The following PTPRM variants were observed in gnomAD, a reference collection of about 807,000 sequenced individuals.
PTPRM encodes the protein protein tyrosine phosphatase receptor type M.
PTPRM carries 47 observed loss-of-function variants against 186.7 expected under a neutral mutation model. That is an observed-to-expected ratio of 0.25 (90% CI 0.20 to 0.32). The LOEUF is 0.32. PTPRM is among the 10% of genes least tolerant of loss of function. PTPRM has a pLI of 1.00. For synonymous variants in PTPRM, 668 were observed against 674.9 expected (o/e 0.99, Z 0.16); for missense variants, 1,494 against 1,865.0 (o/e 0.80, Z 3.66).
chr18:7,930,338 A>G (rs757175046), intron 5 of PTPRM, among the ~76,000 whole-genome samples: 8 of 152,098 alleles, frequency 5.3e-5, no homozygotes, highest in Non-Finnish European at 1.2e-4. Flanking sequence ...CCAAAGTGCT[A>G]GGATTACAGA....
chr18:8,143,793 T>A lies in PTPRM; in HGVS notation c.2300+14T>A. The A allele has an allele frequency of 6.2e-7, 1 of 1,613,662 alleles. No homozygotes were observed. Among genetic ancestry groups the A allele is most frequent in the Non-Finnish European group, 8.5e-7 (1 of 1,179,552 alleles). On this transcript the variant is annotated intron_variant, in intron 14 of 32. Coordinates refer to ENST00000580170, the MANE Select transcript of PTPRM (RefSeq NM_001105244.2). ...AATGAAGAAAAGGTGAGCTCCTAGC[T>A]GTTGCCAAAGATACAGTTATATCCC...
At chr18:8,063,480 A>T (rs576156361) in intron 7 of PTPRM, among the ~76,000 whole-genome samples, 1 of 152,246 alleles carries the variant, frequency 6.6e-6, no homozygotes, top group African/African-American at 2.4e-5. Flanking sequence ...TGACACTTCT[A>T]ACCTTATTTT....
At chr18:7,779,065 C>T (rs1053355155) in intron 2 of PTPRM, among the ~76,000 whole-genome samples, 11 of 152,050 alleles carry the variant, frequency 7.2e-5, no homozygotes, top group African/African-American at 2.4e-4. Context: ...AAATGTAACC[C>T]TGTCTTATAA....
chr18:7,972,813 C>A (rs1276027922), intron 7 of PTPRM, among the ~76,000 whole-genome samples: 3 of 152,042 alleles, frequency 2.0e-5, no homozygotes, highest in South Asian at 4.2e-4. Flanking sequence ...CTCTTTCAGT[C>A]CCTTTGCCAG....
intron 2 of PTPRM, chr18:7,815,880 C>G (rs1568170417): frequency 6.6e-6 from 1 of 152,114 alleles, no homozygotes; most frequent in Non-Finnish European, 1.5e-5. Flanking sequence ...CAGTGGAACT[C>G]CTAAACATAA....
rs1377267777 is a variant in PTPRM, at chr18:8,243,284, C to G, written c.2301-774C>G. On this transcript the variant is annotated intron_variant, in intron 14 of 32. Transcript: ENST00000580170. ...AATCTCTCTGCTTTTTTTTCATTCT[C>G]TTCCACTGAAAGAGGGAACAAAGAA... Among the ~76,000 whole-genome samples the G allele has an allele frequency of 3.3e-5, 5 of 152,142 alleles. No homozygotes were observed. The East Asian group carries it at 9.6e-4, about 29-fold the overall frequency.
intron 14 of PTPRM, among the ~76,000 whole-genome samples, chr18:8,239,840 A>G (rs1475164484): frequency 6.6e-6 from 1 of 152,192 alleles, no homozygotes; most frequent in African/African-American, 2.4e-5. Flanking sequence ...AATTTTAATG[A>G]TCTATTTATA....
Position 7,612,642 on chromosome 18 carries a change from T to C in PTPRM, c.73+44751T>C, listed in dbSNP as rs1214916826. On this transcript the variant is annotated intron_variant, in intron 1 of 32. Coordinates refer to ENST00000580170, the MANE Select transcript of PTPRM (RefSeq NM_001105244.2). ...GTCATAGCTCTTCAGTGAATGGGAG[T>C]GAAGCTGTACGAAATCATTGCATTC... Among the ~76,000 whole-genome samples the C allele has an allele frequency of 5.9e-5, 9 of 152,088 alleles. No individual in the cohort carries two copies. In the East Asian group the frequency reaches 1.7e-3, roughly 29 times the overall value.
intron 1 of PTPRM, among the ~76,000 whole-genome samples, chr18:7,673,686 A>G (rs145469472): frequency 2.0e-3 from 304 of 152,368 alleles, no homozygotes; most frequent in African/African-American, 6.7e-3. Flanking sequence ...GGAAACAAAA[A>G]CATTCAAAGG....
chr18:7,925,369 G>A (rs939583376), intron 4 of PTPRM, among the ~76,000 whole-genome samples: 2 of 152,042 alleles, frequency 1.3e-5, no homozygotes, highest in South Asian at 4.2e-4. Flanking sequence ...AATTATTAGT[G>A]GCCTCCAAAT....
chr18:7,630,427 C>T (rs1038923692), intron 1 of PTPRM, among the ~76,000 whole-genome samples: 52 of 152,210 alleles, frequency 3.4e-4, no homozygotes, highest in Non-Finnish European at 7.4e-4. Context: ...GTTTAGGTGC[C>T]ACACTGGAGG....
At chr18:8,047,340 GAT>G (rs1365750606) in intron 7 of PTPRM, among the ~76,000 whole-genome samples, 1 of 152,102 alleles carries the variant, frequency 6.6e-6, no homozygotes, top group Non-Finnish European at 1.5e-5. Context: ...AAAAATGAAA[GAT>G]ATGCACATCA....
At chr18:7,860,104 G>C (rs187951779) in intron 2 of PTPRM, among the ~76,000 whole-genome samples, 1 of 150,658 alleles carries the variant, frequency 6.6e-6, no homozygotes, top group South Asian at 2.1e-4. Flanking sequence ...ACAGAGTCTC[G>C]CTGTGTCTCC....
chr18:7,939,418 T>G (rs934988706), intron 5 of PTPRM, among the ~76,000 whole-genome samples: 9 of 152,194 alleles, frequency 5.9e-5, no homozygotes, highest in African/African-American at 1.9e-4. Context: ...CTGAAAGACT[T>G]AATATGTATC....
At chr18:7,819,530 C>T (rs2045063961) in intron 2 of PTPRM, among the ~76,000 whole-genome samples, 1 of 152,168 alleles carries the variant, frequency 6.6e-6, no homozygotes, top group African/African-American at 2.4e-5. Flanking sequence ...AAGCATCTCC[C>T]TTCTGGCTCC....
intron 4 of PTPRM, among the ~76,000 whole-genome samples, chr18:7,909,036 C>G (rs1236633727): frequency 6.6e-6 from 1 of 152,210 alleles, no homozygotes. Context: ...GGCAGATGTA[C>G]TGGGTGCAGG....
At chr18:8,039,551 A>G (rs1259345132) in intron 7 of PTPRM, among the ~76,000 whole-genome samples, 1 of 152,174 alleles carries the variant, frequency 6.6e-6, no homozygotes, top group Non-Finnish European at 1.5e-5. Flanking sequence ...TTTTAAATTG[A>G]CAAAAATTAC....
At chr18:7,872,029 G>T (rs1046663260) in intron 2 of PTPRM, among the ~76,000 whole-genome samples, 1 of 152,146 alleles carries the variant, frequency 6.6e-6, no homozygotes, top group Non-Finnish European at 1.5e-5. Context: ...GTTATTTTTT[G>T]TTCATAGTGC....
intron 14 of PTPRM, among the ~76,000 whole-genome samples, chr18:8,240,642 AGAGAGAGAGAGAAAGAAAGAAAG>A (rs2094413405): frequency 3.1e-5 from 1 of 32,736 alleles, no homozygotes; most frequent in Non-Finnish European, 6.6e-5. Flanking sequence ...AGAGAGAGAG[AGAGAGAGAGAGAAAGAAAGAAAG>A]AAAGAAAGAA....
Sources: gnomAD v4.1 joint callset for allele counts (sites outside exome capture counted in the v4.1 genomes callset) on GRCh38, gnomAD v4.1.1 for gene constraint, MANE v1.5 for transcripts, NCBI Gene and HGNC (gene_info 2026-07-23, HGNC 2026-07-21) for gene names.